The following MAGI1 variants were observed in gnomAD, a reference collection of about 807,000 sequenced individuals.
MAGI1 encodes the protein membrane associated guanylate kinase, WW and PDZ domain containing 1, also known as membrane-associated guanylate kinase, WW and PDZ domain-containing protein 1.
In MAGI1, 58 loss-of-function variants were observed where a neutral mutation model predicts 139.9. The observed-to-expected ratio is 0.41, with a 90% CI of 0.34 to 0.52. MAGI1 has a LOEUF of 0.52. MAGI1 is among the 20% of genes least tolerant of loss of function. The probability of loss-of-function intolerance (pLI) is 0.12; values close to 1 mark genes in which losing one functional copy is unlikely to be tolerated. For missense variants in MAGI1, 1,874 were observed against 1,901.6 expected (o/e 0.99, Z 0.27); for synonymous variants, 812 against 737.9 (o/e 1.10, Z -1.63).
chr3:65,649,976 T>G (rs1178067985), intron 1 of MAGI1, among the ~76,000 whole-genome samples: 1 of 152,238 alleles, frequency 6.6e-6, no homozygotes, highest in Non-Finnish European at 1.5e-5. Flanking sequence ...AACTACCATT[T>G]GACCCAGTGC....
intron 5 of MAGI1, among the ~76,000 whole-genome samples, chr3:65,466,254 C>A (rs751877252): frequency 6.6e-6 from 1 of 151,986 alleles, no homozygotes; most frequent in Non-Finnish European, 1.5e-5. Context: ...TACTCATTGC[C>A]TTTTTTCACT....
chr3:65,445,761 ACAGAGTT>A (rs1948637036), intron 7 of MAGI1, among the ~76,000 whole-genome samples: 1 of 152,198 alleles, frequency 6.6e-6, no homozygotes, highest in African/African-American at 2.4e-5. Context: ...AGCTCAAACA[ACAGAGTT>A]CAGAAATGAC....
chr3:65,786,808 G>A (rs1348245279), intron 1 of MAGI1, among the ~76,000 whole-genome samples: 1 of 151,888 alleles, frequency 6.6e-6, no homozygotes, highest in Non-Finnish European at 1.5e-5. Flanking sequence ...GTAGAGACGG[G>A]ATTTCACCGT....
At chr3:65,823,757 T>A (rs1028720732) in intron 1 of MAGI1, among the ~76,000 whole-genome samples, 1 of 152,238 alleles carries the variant, frequency 6.6e-6, no homozygotes. Context: ...TTATTGAGCC[T>A]GTACAATGTG....
intron 1 of MAGI1, among the ~76,000 whole-genome samples, chr3:65,991,043 C>T (rs1181536105): frequency 2.6e-5 from 4 of 151,962 alleles, no homozygotes; most frequent in Non-Finnish European, 4.4e-5. Context: ...AATCCCAGCA[C>T]TTTGGGAGGC....
At chr3:65,535,588 C>A (rs2107872876) in intron 2 of MAGI1, among the ~76,000 whole-genome samples, 1 of 152,294 alleles carries the variant, frequency 6.6e-6, no homozygotes, top group East Asian at 1.9e-4. Context: ...CGTACTCTTT[C>A]AAATCTAAAA....
At chr3:65,935,626 A>G (rs1197514117) in intron 1 of MAGI1, among the ~76,000 whole-genome samples, 3 of 150,818 alleles carry the variant, frequency 2.0e-5, no homozygotes, top group African/African-American at 4.8e-5. Context: ...TGTCTCAAAG[A>G]AAAAAGAGGT....
At chr3:66,025,403 G>T (rs1007627273) in intron 1 of MAGI1, among the ~76,000 whole-genome samples, 1 of 152,068 alleles carries the variant, frequency 6.6e-6, no homozygotes, top group Admixed American at 6.5e-5. Context: ...ATTTGGGCAC[G>T]GTGGCACCCA....
intron 1 of MAGI1, among the ~76,000 whole-genome samples, chr3:66,016,060 A>G (rs1338358874): frequency 9.1e-6 from 1 of 109,876 alleles, no homozygotes; most frequent in African/African-American, 2.7e-5. Flanking sequence ...GGTGCCAGGA[A>G]AGAAGATAAA....
In MAGI1 at chr3:65,661,155, A is replaced by G. The variant is rs2086168928; in HGVS notation, c.314-39067T>C. Among the ~76,000 whole-genome samples the G allele has an allele frequency of 2.0e-5, 3 of 152,302 alleles. No homozygotes were observed. The South Asian group carries it at 6.2e-4, about 32-fold the overall frequency. ...CATATTTGCTCACAGGATGGTGTAT[A>G]ACTAGATTAATTGTGAGTATATGTC... On this transcript the variant is annotated intron_variant, in intron 1 of 22. Coordinates refer to ENST00000402939, the MANE Select transcript of MAGI1 (RefSeq NM_001033057.2).
At chr3:65,564,760 A>G (rs745532650) in intron 2 of MAGI1, among the ~76,000 whole-genome samples, 1 of 152,176 alleles carries the variant, frequency 6.6e-6, no homozygotes, top group African/African-American at 2.4e-5. Flanking sequence ...CAGAGGGATT[A>G]GTTGTCAAAA....
At chr3:65,970,913 T>C (rs2064985800) in intron 1 of MAGI1, among the ~76,000 whole-genome samples, 1 of 152,080 alleles carries the variant, frequency 6.6e-6, no homozygotes, top group South Asian at 2.1e-4. Context: ...TTTTAAAAAA[T>C]AAATAAATAG....
intron 1 of MAGI1, among the ~76,000 whole-genome samples, chr3:65,666,714 T>C (rs929256758): frequency 2.6e-5 from 4 of 152,120 alleles, no homozygotes; most frequent in Non-Finnish European, 4.4e-5. Context: ...GTGGAGGCCA[T>C]AGAAAAAGAT....
chr3:65,379,939 C>T (rs542275795), intron 16 of MAGI1, among the ~76,000 whole-genome samples: 2 of 152,372 alleles, frequency 1.3e-5, no homozygotes, highest in South Asian at 4.1e-4. Context: ...AGACCGCCAT[C>T]TTGGCTTCAT....
chr3:66,012,543 A>C (rs1204430112), intron 1 of MAGI1, among the ~76,000 whole-genome samples: 1 of 152,166 alleles, frequency 6.6e-6, no homozygotes, highest in Non-Finnish European at 1.5e-5. Context: ...AGGCGAGTGG[A>C]TCACTTGAGA....
intron 9 of MAGI1, among the ~76,000 whole-genome samples, chr3:65,438,057 T>C (rs1947971675): frequency 6.6e-6 from 1 of 152,140 alleles, no homozygotes; most frequent in African/African-American, 2.4e-5. Context: ...AATTATTCTA[T>C]CAGAATGATA....
At chr3:66,022,863 T>C (rs545972244) in intron 1 of MAGI1, among the ~76,000 whole-genome samples, 2 of 151,978 alleles carry the variant, frequency 1.3e-5, no homozygotes, top group Non-Finnish European at 2.9e-5. Flanking sequence ...AGGTTTCATA[T>C]ACACTGTGGA....
chr3:65,984,991 G>A (rs1233226126), intron 1 of MAGI1, among the ~76,000 whole-genome samples: 3 of 152,204 alleles, frequency 2.0e-5, no homozygotes, highest in South Asian at 2.1e-4. Context: ...AGAGGCCCCA[G>A]GCCTTCTAAC....
rs576225031 is a variant in MAGI1, at chr3:65,670,397, G to A, written c.314-48309C>T. Among the ~76,000 whole-genome samples, 29 of 151,386 alleles carry A rather than the reference G, an allele frequency of 1.9e-4. No individual in the cohort carries two copies. In the South Asian group the frequency reaches 5.4e-3, roughly 28 times the overall value. Reference sequence around the variant, plus strand: ...GCTTGGCTTCATTATTGCCAACATTGAAGTTTTTTTTAATATGGCTCAAGC... The same window carrying A: ...GCTTGGCTTCATTATTGCCAACATTAAAGTTTTTTTTAATATGGCTCAAGC... On this transcript the variant is annotated intron_variant, in intron 1 of 22. Transcript: ENST00000402939.
Sources: allele counts gnomAD v4.1 joint callset (sites outside exome capture counted in the v4.1 genomes callset), GRCh38; gene constraint gnomAD v4.1.1; transcripts MANE v1.5; gene names NCBI Gene and HGNC (gene_info 2026-07-23, HGNC 2026-07-21).